The following DNAH7 variants were observed in gnomAD, a reference collection of about 807,000 sequenced individuals.
DNAH7 encodes axonemal beta dynein heavy chain 7.
In DNAH7, 397 loss-of-function variants were observed where a neutral mutation model predicts 444.6. The observed-to-expected ratio is 0.89, with a 90% CI of 0.82 to 0.97. The LOEUF (loss-of-function observed/expected upper bound fraction) is 0.97, where lower values mean the gene tolerates loss of function less well. Among genes scored for constraint, DNAH7 ranks in the 50% least tolerant of loss-of-function variants. The pLI, the probability that DNAH7 is intolerant of heterozygous loss-of-function variation, is 0.00. For synonymous variants in DNAH7, 1,636 were observed against 1,624.4 expected (o/e 1.01, Z -0.17); for missense variants, 4,902 against 4,800.8 (o/e 1.02, Z -0.62).
At chr2:195,909,698 G>A (rs1051733475) in intron 25 of DNAH7, among the ~76,000 whole-genome samples, 7 of 152,098 alleles carry the variant, frequency 4.6e-5, no homozygotes, top group Non-Finnish European at 7.4e-5. Context: ...AAGATCTGTA[G>A]GTTAAAGATG....
intron 1 of DNAH7, among the ~76,000 whole-genome samples, chr2:196,065,253 TCTTTA>T (rs1344812211): frequency 1.3e-5 from 2 of 152,248 alleles, no homozygotes; most frequent in African/African-American, 2.4e-5. Context: ...ACAATGTATT[TCTTTA>T]CTTATTCAGA....
chr2:196,003,538 T>C (rs1168246326), intron 10 of DNAH7, among the ~76,000 whole-genome samples: 1 of 152,172 alleles, frequency 6.6e-6, no homozygotes, highest in East Asian at 1.9e-4. Context: ...CATACATACA[T>C]AAATAAATAT....
At chr2:195,772,665 T>C (rs1184417621) in intron 60 of DNAH7, among the ~76,000 whole-genome samples, 1 of 152,222 alleles carries the variant, frequency 6.6e-6, no homozygotes. Context: ...TTCTTTTAGA[T>C]TTTGTTTCCT....
At chr2:195,775,580 C>G (rs12185600) in intron 60 of DNAH7, among the ~76,000 whole-genome samples, 13,754 of 142,906 alleles carry the variant, frequency 0.096, 681 homozygotes, top group African/African-American at 0.14. Flanking sequence ...GCAAGAAAGG[C>G]AAAATGAAAC....
At chr2:195,988,787 C>G (rs1391952301) in intron 12 of DNAH7, among the ~76,000 whole-genome samples, 4 of 152,076 alleles carry the variant, frequency 2.6e-5, no homozygotes, top group African/African-American at 9.7e-5. Flanking sequence ...ACTTACTCCT[C>G]CCATCTAACT....
At chr2:195,937,726 G>C (rs1399016307) in intron 19 of DNAH7, among the ~76,000 whole-genome samples, 1 of 151,848 alleles carries the variant, frequency 6.6e-6, no homozygotes, top group Non-Finnish European at 1.5e-5. Context: ...GATGTCATCT[G>C]GGTCTATTCT....
Position 195,926,546 on chromosome 2 carries a change from A to G in DNAH7, c.3492T>C (p.Phe1164=). 1 of 1,600,680 alleles carries G rather than the reference A, an allele frequency of 6.2e-7. No individual in the cohort carries two copies. Among genetic ancestry groups the G allele is most frequent in the South Asian group, 1.1e-5 (1 of 88,518 alleles). The change falls in exon 22 of 65, where the codon TTT becomes TTC. Residue 1164 remains phenylalanine, a synonymous_variant. Coordinates refer to ENST00000312428, the MANE Select transcript of DNAH7 (RefSeq NM_018897.3). The stretch of plus-strand genomic sequence containing the variant: ...TAATTCGTTCATATTTTGTATAGGC[A>G]AAAGTTGCATCTCCAGTTACCTAAT... The part of the protein sequence containing the change: ...SIHKVTGDAT[F]AYTKYERINW...
chr2:195,964,660 T>G lies in DNAH7; in HGVS notation c.2206-3715A>C, dbSNP rs1691345938. Among the ~76,000 whole-genome samples the G allele has an allele frequency of 2.1e-5, 3 of 146,302 alleles. No homozygotes were observed. In the South Asian group the frequency reaches 6.5e-4, roughly 32 times the overall value. On this transcript the variant is annotated intron_variant, in intron 17 of 64. Transcript: ENST00000312428. ...GGCAGGCGGATCACGAGGTCAGGAG[T>G]TCGAGACCAGCCTGGCCAACATGGT...
chr2:195,952,503 A>G (rs558021626), intron 19 of DNAH7, among the ~76,000 whole-genome samples: 2 of 152,170 alleles, frequency 1.3e-5, no homozygotes, highest in Admixed American at 6.5e-5. Flanking sequence ...GTTCTCCTGG[A>G]TAATATCCTG....
intron 54 of DNAH7, among the ~76,000 whole-genome samples, chr2:195,806,323 A>C (rs1259943198): frequency 6.6e-6 from 1 of 152,186 alleles, no homozygotes; most frequent in Non-Finnish European, 1.5e-5. Flanking sequence ...GAATGTCTTA[A>C]ATTCAAATTC....
At chr2:196,051,145 T>C (rs1271307313) in intron 3 of DNAH7, 42 bp downstream of exon 3, 2 of 1,561,720 alleles carry the variant, frequency 1.3e-6, no homozygotes, top group East Asian at 2.3e-5. Flanking sequence ...AAACATTTTT[T>C]GAAGCACAAA....
intron 22 of DNAH7, among the ~76,000 whole-genome samples, chr2:195,924,074 T>G (rs1189839719): frequency 6.6e-6 from 1 of 152,174 alleles, no homozygotes. Flanking sequence ...GTGGTTTTGT[T>G]GGAGCTGTCA....
Position 195,834,270 on chromosome 2 carries a change from C to T in DNAH7, c.9036G>A (p.Val3012=), listed in dbSNP as rs746886724. The change falls in exon 48 of 65, where the codon GTG becomes GTA. Residue 3012 remains valine (V), a synonymous_variant. Coordinates refer to ENST00000312428, the MANE Select transcript of DNAH7 (RefSeq NM_018897.3). ...CATAGTCAGGTTCACTAAGTTTAAT[C>T]ACATAAAGACTATTGGCTTTTTCCA... ...KNMEKANSLY[V]IKLSEPDYVR... 4 of 1,608,666 alleles carry T rather than the reference C, an allele frequency of 2.5e-6. No homozygotes were observed. The African/African-American group carries it at 5.3e-5, about 21-fold the overall frequency.
At chr2:195,752,526 A>C (rs149129541) in intron 63 of DNAH7, among the ~76,000 whole-genome samples, 1 of 152,216 alleles carries the variant, frequency 6.6e-6, no homozygotes, top group East Asian at 1.9e-4. Flanking sequence ...TTTGGAGGAC[A>C]TAAGCAAAGA....
intron 60 of DNAH7, among the ~76,000 whole-genome samples, chr2:195,775,335 T>C (rs1695013224): frequency 6.6e-6 from 1 of 152,224 alleles, no homozygotes; most frequent in South Asian, 2.1e-4. Flanking sequence ...GCAATTATAT[T>C]TTAAATGTTA....
chr2:195,804,411 C>T (rs1481726968), intron 54 of DNAH7, among the ~76,000 whole-genome samples: 2 of 152,164 alleles, frequency 1.3e-5, no homozygotes, highest in Non-Finnish European at 2.9e-5. Context: ...GGCATACTAA[C>T]AATTATTTTT....
Position 196,012,924 on chromosome 2 carries a change from A to G in DNAH7, c.870-18T>C. The G allele has an allele frequency of 6.9e-7, 1 of 1,453,122 alleles. No individual in the cohort carries two copies. Among genetic ancestry groups the G allele is most frequent in the South Asian group, 1.5e-5 (1 of 65,598 alleles). 90.0% of individuals were successfully genotyped at this position (1,453,122 alleles called of 1,614,324 possible). On this transcript the variant is annotated intron_variant, in intron 9 of 64. Transcript: ENST00000312428. Reference sequence around the variant, plus strand: ...GTAATTTTCTGCAAAAGATAAAAATAAACAGTAATTTAACAATGACTTTTT... The same window carrying G: ...GTAATTTTCTGCAAAAGATAAAAATGAACAGTAATTTAACAATGACTTTTT...
intron 19 of DNAH7, among the ~76,000 whole-genome samples, chr2:195,956,688 G>A (rs903993629): frequency 1.3e-5 from 2 of 151,238 alleles, no homozygotes; most frequent in East Asian, 1.9e-4. Context: ...AACAAAAAAC[G>A]TACTTTTTTT....
intron 33 of DNAH7, 140 bp downstream of exon 33, chr2:195,888,118 A>C: frequency 4.4e-6 from 3 of 683,960 alleles, no homozygotes; most frequent in Non-Finnish European, 7.0e-6. Context: ...ATGAATTCTA[A>C]TCTAAATTTT....
Sources: gnomAD v4.1 joint callset for allele counts (sites outside exome capture counted in the v4.1 genomes callset) on GRCh38, gnomAD v4.1.1 for gene constraint, MANE v1.5 for transcripts, NCBI Gene and HGNC (gene_info 2026-07-23, HGNC 2026-07-21) for gene names.